The following TTC3 variants were observed in gnomAD, a reference collection of about 807,000 sequenced individuals.
TTC3 encodes E3 ubiquitin-protein ligase TTC3.
TTC3 carries 180 observed loss-of-function variants against 249.6 expected under a neutral mutation model. The observed-to-expected ratio is 0.72, with a 90% CI of 0.64 to 0.82. The LOEUF (loss-of-function observed/expected upper bound fraction) is 0.82, where lower values mean the gene tolerates loss of function less well. TTC3 is among the 40% of genes least tolerant of loss of function. The pLI, the probability that TTC3 is intolerant of heterozygous loss-of-function variation, is 0.00. For missense variants in TTC3, 2,061 were observed against 2,398.4 expected (o/e 0.86, Z 2.94); for synonymous variants, 717 against 805.0 (o/e 0.89, Z 1.85).
intron 43 of TTC3, 37 bp downstream of exon 43, chr21:37,197,733 T>A: frequency 1.3e-6 from 2 of 1,532,698 alleles, no homozygotes; most frequent in Non-Finnish European, 1.7e-6. Context: ...TCCTTATTTA[T>A]TTATAAAATA....
chr21:37,108,290 C>A, intron 10 of TTC3, 102 bp from the exon 11 acceptor site: 1 of 813,570 alleles, frequency 1.2e-6, no homozygotes, highest in Non-Finnish European at 1.8e-6. Context: ...TATCTTTTGA[C>A]TAGATAATAT....
chr21:37,076,632 C>T (rs981159503), intron 1 of TTC3, among the ~76,000 whole-genome samples: 2 of 145,108 alleles, frequency 1.4e-5, no homozygotes, highest in African/African-American at 5.1e-5. Flanking sequence ...ACCACAGGTT[C>T]TTGTGGAATC....
chr21:37,105,657 A>G (rs191894977), intron 10 of TTC3, among the ~76,000 whole-genome samples: 26 of 152,292 alleles, frequency 1.7e-4, no homozygotes, highest in South Asian at 4.1e-4. Context: ...CCCTCCTCCT[A>G]GTCATGATCC....
In TTC3 at chr21:37,123,091, A is replaced by C. The variant is rs2076759790; in HGVS notation, c.1109+63A>C. 2.6e-6 allele frequency: 4 copies of C among 1,552,412 alleles called. No homozygotes were observed. The South Asian group carries it at 3.3e-5, about 13-fold the overall frequency. On this transcript the variant is annotated intron_variant, in intron 13 of 45. Transcript: ENST00000355666. ...AATGGCTTTGCTGCATGAATTTAAG[A>C]ATCACTTATGTTTGACGCTTTAGGA...
chr21:37,142,550 G>A (rs1454517510), intron 20 of TTC3, among the ~76,000 whole-genome samples: 1 of 152,162 alleles, frequency 6.6e-6, no homozygotes, highest in Non-Finnish European at 1.5e-5. Context: ...GGATGTGAAG[G>A]ACCTCTTCAG....
intron 18 of TTC3, 151 bp downstream of exon 18, chr21:37,135,665 G>T (rs752738424): frequency 2.3e-6 from 2 of 867,020 alleles, no homozygotes; most frequent in African/African-American, 3.4e-5. Flanking sequence ...AGCAGGTACT[G>T]CTCCAATTCA....
chr21:37,201,919 G>A (rs1475594981), exon 46 of TTC3: 3 of 197,786 alleles, frequency 1.5e-5, no homozygotes, highest in Non-Finnish European at 2.9e-5. Context: ...AGCGCCCCAC[G>A]TTTGTTCCCC....
At position 37,187,078 on chromosome 21, in the gene TTC3, T is replaced by C. The variant is rs373958298; in HGVS notation, c.4856T>C (p.Ile1619Thr). 37 of 1,557,144 alleles carry C rather than the reference T, an allele frequency of 2.4e-5. No individual in the cohort carries two copies. The African/African-American group carries it at 4.8e-4, about 20-fold the overall frequency. Reference sequence around the variant, plus strand: ...ACACTTACAAATGAGAAAATGAAAATAGAAGAGTATATAAAGAAAGGGAAA... The same window carrying C: ...ACACTTACAAATGAGAAAATGAAAACAGAAGAGTATATAAAGAAAGGGAAA... The change falls in exon 38 of 46, where the codon ATA (isoleucine) becomes ACA (threonine). Residue 1619 changes from isoleucine to threonine, a missense_variant. Physicochemically the swap from Ile to Thr is moderately conservative, Grantham distance 89. This residue lies in a region of TTC3 where 1,040 missense variants were observed against 1,186.1 expected (regional missense o/e 0.88). Coordinates refer to ENST00000355666, the Ensembl canonical transcript of TTC3.
Position 37,192,103 on chromosome 21 carries a change from T to C in TTC3, c.5116-9T>C. The stretch of plus-strand genomic sequence containing the variant: ...TGTGGTTTTCCCACACTTTACTTTC[T>C]ACTCACAGTCTCAGTTTGAAGAACA... On this transcript the variant is annotated splice_polypyrimidine_tract_variant and intron_variant, in intron 40 of 45. Transcript: ENST00000355666. 6.4e-7 allele frequency: 1 copy of C among 1,566,846 alleles called. No homozygotes were observed. Among genetic ancestry groups the C allele is most frequent in the African/African-American group, 1.4e-5 (1 of 73,170 alleles).
chr21:37,144,442 A>T, intron 20 of TTC3, 83 bp from the exon 21 acceptor site: 1 of 1,468,026 alleles, frequency 6.8e-7, no homozygotes, highest in Non-Finnish European at 9.2e-7. Context: ...CGTCCCAGTA[A>T]GCTTGAGATC....
At chr21:37,146,146 G>A (rs2078965132) in intron 21 of TTC3, among the ~76,000 whole-genome samples, 2 of 152,206 alleles carry the variant, frequency 1.3e-5, no homozygotes, top group Admixed American at 6.5e-5. Flanking sequence ...AAATGGGTAC[G>A]TAAGTATTGG....
intron 1 of TTC3, among the ~76,000 whole-genome samples, chr21:37,077,138 A>G (rs796608804): frequency 1.3e-5 from 2 of 152,040 alleles, no homozygotes; most frequent in African/African-American, 2.4e-5. Flanking sequence ...TTTTTGGCCA[A>G]CCATATGCTG....
At chr21:37,201,590 G>A (rs771821767) in exon 46 of TTC3, 2 of 1,609,238 alleles carry the variant, frequency 1.2e-6, no homozygotes, top group Non-Finnish European at 1.7e-6. Context: ...CTTCACTAAA[G>A]TGTCATCCAC....
chr21:37,098,205 G>C (rs148193775), intron 10 of TTC3: 129 of 308,756 alleles, frequency 4.2e-4, no homozygotes, highest in Non-Finnish European at 6.9e-4. Context: ...ATTTTGTGCT[G>C]TTTGAAGGTG....
At chr21:37,101,918 TTA>T (rs61552508) in intron 10 of TTC3, among the ~76,000 whole-genome samples, 7 of 147,390 alleles carry the variant, frequency 4.7e-5, no homozygotes, top group Non-Finnish European at 9.0e-5. Flanking sequence ...AGTATATAGT[TTA>T]TATATATATA....
intron 37 of TTC3, among the ~76,000 whole-genome samples, chr21:37,186,366 C>T (rs920920498): frequency 4.6e-5 from 7 of 152,120 alleles, no homozygotes; most frequent in African/African-American, 1.7e-4. Context: ...TGGGTTCTGT[C>T]CTTGTAATAT....
intron 7 of TTC3, 152 bp downstream of exon 7, chr21:37,091,565 T>A (rs991469506): frequency 1.6e-5 from 4 of 250,658 alleles, no homozygotes; most frequent in Admixed American, 7.5e-5. Context: ...ATTTCTTTTT[T>A]TTATTATTTA....
chr21:37,157,197 C>T (rs1398704687), intron 28 of TTC3: 4 of 1,348,520 alleles, frequency 3.0e-6, no homozygotes, highest in Admixed American at 4.5e-5. Context: ...TTGCATGTTA[C>T]ACTGACAGAA....
In TTC3 at chr21:37,096,655, A is replaced by G. The variant is rs1165896518; in HGVS notation, c.845+12A>G. ...ACTGGACAGTTTAGGTAAGTTGGTT[A>G]AAATATCTCAACCACTGAATTATTA... On this transcript the variant is annotated intron_variant, in intron 10 of 45. Coordinates refer to ENST00000355666, the Ensembl canonical transcript of TTC3. The G allele has an allele frequency of 6.3e-7, 1 of 1,592,358 alleles. No individual in the cohort carries two copies. Among genetic ancestry groups the G allele is most frequent in the Non-Finnish European group, 8.6e-7 (1 of 1,163,796 alleles).
Sources: allele counts gnomAD v4.1 joint callset (sites outside exome capture counted in the v4.1 genomes callset), GRCh38; gene constraint gnomAD v4.1.1; regional missense constraint gnomAD v4.1.1; transcripts MANE v1.5; gene names NCBI Gene and HGNC (gene_info 2026-07-23, HGNC 2026-07-21).